DOK1: variants seen among roughly 807,000 people sequenced by gnomAD.
The protein encoded by DOK1 is docking protein 1, also known as Downstream of tyrosine kinase 1.
Under a neutral mutation model 24.0 loss-of-function variants are expected in DOK1, and 12 were observed. The observed-to-expected ratio is 0.50, with a 90% confidence interval of 0.32 to 0.81. DOK1 has a LOEUF of 0.81. DOK1 is among the 30% of genes least tolerant of loss of function. The probability of loss-of-function intolerance (pLI) is 0.03; values close to 1 mark genes in which losing one functional copy is unlikely to be tolerated. For missense variants in DOK1, 591 were observed against 620.7 expected (o/e 0.95, Z 0.51); for synonymous variants, 250 against 260.9 (o/e 0.96, Z 0.40).
In DOK1 at chr2:74,555,527, C is replaced by T. The variant is rs76586348; in HGVS notation, c.361-48C>T. On this transcript the variant is annotated intron_variant, in intron 2 of 4. Transcript: ENST00000233668. The surrounding 1 kb of genome is among the most constrained non-coding windows in gnomAD (Gnocchi z 6.1). The stretch of plus-strand genomic sequence containing the variant: ...AATGGGGCTGCCTCAGACCGACCCC[C>T]GCTCCCCGCTGAGGAAATTACGGGT... The T allele has an allele frequency of 5.1e-4, 817 of 1,613,352 alleles. 6 individuals carry two copies. The African/African-American group carries it at 9.3e-3, about 18-fold the overall frequency.
Position 74,555,339 on chromosome 2 carries a change from T to G in DOK1, c.246T>G (p.Pro82=), listed in dbSNP as rs770658265. ...CCCCCGTCACCGTGGAGACCCCCCCTGAGCCCGGCGCCACTGCCTTCCGCC... is the reference window on the plus strand; with the variant it reads ...CCCCCGTCACCGTGGAGACCCCCCCGGAGCCCGGCGCCACTGCCTTCCGCC... ...SVAPVTVETP[P]EPGATAFRLD... The change falls in exon 2 of 5, where the codon CCT becomes CCG. Residue 82 remains proline (P), a synonymous_variant. Transcript: ENST00000233668. This position sits in a 1 kb window ranked among gnomAD's most constrained non-coding sequence, Gnocchi z 6.1. 2.5e-6 allele frequency: 4 copies of G among 1,613,762 alleles called. No homozygotes were observed. The South Asian group carries it at 3.3e-5, about 13-fold the overall frequency.
upstream of DOK1, chr2:74,552,382 C>T: frequency 6.2e-7 from 1 of 1,612,994 alleles, no homozygotes; most frequent in Non-Finnish European, 8.5e-7. Context: ...AAGCCCAGCT[C>T]CCGGCAGAGG....
chr2:74,554,825 G>A lies in DOK1; in HGVS notation c.60+11G>A. 2 of 1,613,884 alleles carry A rather than the reference G, an allele frequency of 1.2e-6. No individual in the cohort carries two copies. Among genetic ancestry groups the A allele is most frequent in the South Asian group, 1.1e-5 (1 of 90,978 alleles). On this transcript the variant is annotated intron_variant, in intron 1 of 4. Coordinates refer to ENST00000233668, the MANE Select transcript of DOK1 (RefSeq NM_001381.5). This position sits in a 1 kb window ranked among gnomAD's most constrained non-coding sequence, Gnocchi z 4.9. The stretch of plus-strand genomic sequence containing the variant: ...CGCTTTGGGACCAAGGTAGTCTGGC[G>A]CATGGATGCCGAACCTTATCCGGGC...
Position 74,549,458 on chromosome 2 carries a change from G to A in DOK1, c.-358+286G>A, listed in dbSNP as rs899044321. 17 of 1,612,930 alleles carry A rather than the reference G, an allele frequency of 1.1e-5. No individual in the cohort carries two copies. Among genetic ancestry groups the A allele is most frequent in the African/African-American group, 1.3e-5 (1 of 74,918 alleles). ...TGTTGTGGGCGCTCCAGCCTTTGTCGCACACTTGCGACCAGCCGTCAGGAA... is the reference window on the plus strand; with the variant it reads ...TGTTGTGGGCGCTCCAGCCTTTGTCACACACTTGCGACCAGCCGTCAGGAA... On this transcript the variant is annotated intron_variant, in intron 1 of 4. Coordinates refer to the DOK1 transcript ENST00000409429. This position sits in a 1 kb window ranked among gnomAD's most constrained non-coding sequence, Gnocchi z 5.3.
At chr2:74,551,775 G>GGGCACAGTGCTA (rs1220253109), upstream of DOK1, among the ~76,000 whole-genome samples, 2 of 152,252 alleles carry the variant, frequency 1.3e-5, no homozygotes, top group Non-Finnish European at 2.9e-5. Flanking sequence ...TTCATACCAT[G>GGGCACAGTGCTA]GGCACAGTCC....
At position 74,557,045 on chromosome 2, in the gene DOK1, G is replaced by A; in HGVS notation, c.1377G>A (p.Gly459=). 1.2e-6 allele frequency: 2 copies of A among 1,614,192 alleles called. No homozygotes were observed. The highest frequency in any genetic ancestry group is 1.7e-6 in the Non-Finnish European group (2 of 1,180,040). Residue 459 remains glycine, a synonymous_variant, in exon 5 of 5, where the codon GGG becomes GGA. Transcript: ENST00000233668. ...AGGTCCAGAAGAGCGGGGCCTCAGG[G>A]AGCTGGGACTGTGGGCTCTCTAGAG... ...YSQVQKSGAS[G]SWDCGLSRVG... is the part of the protein sequence containing the mutation.
At position 74,555,015 on chromosome 2, in the gene DOK1, G is replaced by A; in HGVS notation, c.61-139G>A. 7.3e-7 allele frequency: 1 copy of A among 1,377,020 alleles called. No individual in the cohort carries two copies. The highest frequency in any genetic ancestry group is 9.9e-7 in the Non-Finnish European group (1 of 1,013,566). 85.3% of individuals were successfully genotyped at this position (1,377,020 alleles called of 1,614,324 possible). On this transcript the variant is annotated intron_variant, in intron 1 of 4. Coordinates refer to ENST00000233668, the MANE Select transcript of DOK1 (RefSeq NM_001381.5). This position sits in a 1 kb window ranked among gnomAD's most constrained non-coding sequence, Gnocchi z 6.1. ...GGTCCTGGGGAGACGGAGTGGCATC[G>A]TCCTTGGGAAACTTCGCCCCCAACC...
upstream of DOK1, chr2:74,550,381 T>A: frequency 6.2e-7 from 1 of 1,602,968 alleles, no homozygotes. Flanking sequence ...ACAGAGAAGC[T>A]TGGGGAGGGA....
At chr2:74,551,902 C>A (rs1677040912), upstream of DOK1, among the ~76,000 whole-genome samples, 1 of 152,264 alleles carries the variant, frequency 6.6e-6, no homozygotes, top group South Asian at 2.1e-4. Context: ...TGGCCCATAA[C>A]CTGATTTTGT....
In DOK1 at chr2:74,555,894, G is replaced by A. The variant is rs768043919; in HGVS notation, c.455G>A (p.Gly152Glu). The change falls in exon 4 of 5, where the codon GGA becomes GAA. Residue 152 changes from glycine (G) to glutamate (E), a missense_variant and splice_region_variant. Coordinates refer to ENST00000233668, the MANE Select transcript of DOK1 (RefSeq NM_001381.5). The surrounding 1 kb of genome is among the most constrained non-coding windows in gnomAD (Gnocchi z 6.1). ...ENSLYSPTWE[G>E]SQFWVTVQRT... is the part of the protein sequence containing the mutation. ...CTGTCTAATCGTGTATGCCTTCCAG[G>A]ATCCCAATTCTGGGTAACGGTGCAG... 6.2e-7 allele frequency: 1 copy of A among 1,602,042 alleles called. No individual in the cohort carries two copies. Among genetic ancestry groups the A allele is most frequent in the Non-Finnish European group, 8.5e-7 (1 of 1,173,582 alleles).
At chr2:74,552,974 A>G, upstream of DOK1, 1 of 279,562 alleles carries the variant, frequency 3.6e-6, no homozygotes, top group Admixed American at 4.9e-5. Context: ...CCAGACAGAC[A>G]GGATGTGAGA....
Position 74,555,314 on chromosome 2 carries a change from C to A in DOK1, c.221C>A (p.Ala74Asp). Reference sequence around the variant, plus strand: ...CGTCTGGCTGAGTGTGTGAGTGTGGCCCCCGTCACCGTGGAGACCCCCCCT... The same window carrying A: ...CGTCTGGCTGAGTGTGTGAGTGTGGACCCCGTCACCGTGGAGACCCCCCCT... ...VIRLAECVSVAPVTVETPPEP... is the reference protein window; with the variant it reads ...VIRLAECVSVDPVTVETPPEP... Residue 74 changes from alanine (A) to aspartate (D), a missense_variant, in exon 2 of 5, where the codon GCC (alanine) becomes GAC (aspartate). By Grantham distance (126) the Ala-to-Asp change is moderately radical. Coordinates refer to ENST00000233668, the MANE Select transcript of DOK1 (RefSeq NM_001381.5). This position sits in a 1 kb window ranked among gnomAD's most constrained non-coding sequence, Gnocchi z 6.1. 1 of 1,614,026 alleles carries A rather than the reference C, an allele frequency of 6.2e-7. No individual in the cohort carries two copies. Among genetic ancestry groups the A allele is most frequent in the Non-Finnish European group, 8.5e-7 (1 of 1,179,994 alleles).
Position 74,555,561 on chromosome 2 carries a change from GCTCT to G in DOK1, c.361-11_361-8del. On this transcript the variant is annotated splice_polypyrimidine_tract_variant and intron_variant, in intron 2 of 4. Transcript: ENST00000233668. The surrounding 1 kb of genome is among the most constrained non-coding windows in gnomAD (Gnocchi z 6.1). The stretch of plus-strand genomic sequence containing the variant: ...CTGAGGAAATTACGGGTTTCTCGAT[GCTCT>G]CTACTACAGAAAGGCAGCTGGACTC... 6.2e-7 allele frequency: 1 copy of G among 1,614,076 alleles called. No homozygotes were observed. The highest frequency in any genetic ancestry group is 1.1e-5 in the South Asian group (1 of 91,074).
At chr2:74,549,786 T>C, upstream of DOK1, 3 of 1,418,974 alleles carry the variant, frequency 2.1e-6, no homozygotes, top group South Asian at 4.8e-5. The surrounding 1 kb of genome is among the most constrained non-coding windows in gnomAD (Gnocchi z 5.3). Flanking sequence ...TGTGCTGTGC[T>C]CCCAGAGAGG....
At chr2:74,554,685 A>G (rs1677271550), upstream of DOK1, 1 of 1,516,376 alleles carries the variant, frequency 6.6e-7, no homozygotes, top group African/African-American at 1.4e-5. This position sits in a 1 kb window ranked among gnomAD's most constrained non-coding sequence, Gnocchi z 4.9. Flanking sequence ...TCCTCCAGGG[A>G]ACCCGGCCCC....
rs745535114 is a variant in DOK1 at position 74,555,541 on chromosome 2, G to A, written c.361-34G>A. 2 of 1,613,724 alleles carry A rather than the reference G, an allele frequency of 1.2e-6. No individual in the cohort carries two copies. The highest frequency in any genetic ancestry group is 4.5e-5 in the East Asian group (2 of 44,888). On this transcript the variant is annotated intron_variant, in intron 2 of 4. Coordinates refer to ENST00000233668, the MANE Select transcript of DOK1 (RefSeq NM_001381.5). The surrounding 1 kb of genome is among the most constrained non-coding windows in gnomAD (Gnocchi z 6.1). Reference sequence around the variant, plus strand: ...AGACCGACCCCCGCTCCCCGCTGAGGAAATTACGGGTTTCTCGATGCTCTC... The same window carrying A: ...AGACCGACCCCCGCTCCCCGCTGAGAAAATTACGGGTTTCTCGATGCTCTC...
upstream of DOK1, chr2:74,554,690 G>GGCCCCGCCTCCC (rs1033413028): frequency 5.7e-5 from 88 of 1,538,600 alleles, no homozygotes; most frequent in Non-Finnish European, 6.1e-5. This position sits in a 1 kb window ranked among gnomAD's most constrained non-coding sequence, Gnocchi z 4.9. Flanking sequence ...CAGGGAACCC[G>GGCCCCGCCTCCC]GCCCCGCCTC....
At chr2:74,552,360 G>T, upstream of DOK1, 1 of 1,610,616 alleles carries the variant, frequency 6.2e-7, no homozygotes, top group South Asian at 1.1e-5. Context: ...GGTCCAGCCT[G>T]TGGCCTCTGT....
chr2:74,555,928 G>T lies in DOK1; in HGVS notation c.489G>T (p.Glu163Asp), dbSNP rs1677424458. The T allele has an allele frequency of 5.0e-6, 8 of 1,612,438 alleles. No homozygotes were observed. Among genetic ancestry groups the T allele is most frequent in the Non-Finnish European group, 6.8e-6 (8 of 1,179,166 alleles). Residue 163 changes from glutamate to aspartate, a missense_variant, in exon 4 of 5, where the codon GAG becomes GAT. By Grantham distance (45) the Glu-to-Asp change is conservative. Transcript: ENST00000233668. The surrounding 1 kb of genome is among the most constrained non-coding windows in gnomAD (Gnocchi z 6.1). ...TCTGGGTAACGGTGCAGAGGACTGAGGCCGCCGAGCGCTGTGGCCTGCATG... is the reference window on the plus strand; with the variant it reads ...TCTGGGTAACGGTGCAGAGGACTGATGCCGCCGAGCGCTGTGGCCTGCATG... ...SQFWVTVQRT[E>D]AAERCGLHGS...
Sources: gnomAD v4.1 joint callset for allele counts (sites outside exome capture counted in the v4.1 genomes callset) on GRCh38, gnomAD v4.1.1 for gene constraint, Gnocchi (gnomAD v3.1) non-coding constraint, MANE v1.5 for transcripts, NCBI Gene and HGNC (gene_info 2026-07-23, HGNC 2026-07-21) for gene names.